The following DDR2 variants were observed in gnomAD, a reference collection of about 807,000 sequenced individuals.
DDR2 encodes the protein discoidin domain receptor tyrosine kinase 2.
A neutral mutation model predicts 94.9 loss-of-function variants in DDR2; 27 were observed. That is an observed-to-expected ratio of 0.28 (90% CI 0.21 to 0.39). The LOEUF (loss-of-function observed/expected upper bound fraction) is 0.39. DDR2 is among the 10% of genes least tolerant of loss of function. The pLI is 1.00. For missense variants in DDR2, 783 were observed against 1,076.0 expected, an observed-to-expected ratio of 0.73 and a Z score of 3.81; for synonymous variants, 382 against 377.2, an observed-to-expected ratio of 1.01 and a Z score of -0.15.
intron 3 of DDR2, among the ~76,000 whole-genome samples, chr1:162,731,920 T>C (rs1413069276): frequency 1.3e-5 from 2 of 152,220 alleles, no homozygotes; most frequent in Admixed American, 1.3e-4. Context: ...TCTTCTTCAC[T>C]CCTGATCTGC....
At chr1:162,768,869 A>C (rs535382573) in intron 11 of DDR2, among the ~76,000 whole-genome samples, 1 of 152,372 alleles carries the variant, frequency 6.6e-6, no homozygotes, top group South Asian at 2.1e-4. Context: ...AGTATGTCTC[A>C]AGGCATGAAT....
rs750959398 is a variant in DDR2 at position 162,786,492 on chromosome 1, A to G, written c.*6246A>G. On this transcript the variant is annotated 3_prime_UTR_variant, in exon 18 of 18. Transcript: ENST00000367921. ...AAAAGAAACGTGATACCAATTGTAT[A>G]TTTTCTTTTCTTTATTTATTCTCTG... The G allele has an allele frequency of 1.3e-5, 2 of 152,228 alleles. No individual in the cohort carries two copies. Among genetic ancestry groups the G allele is most frequent in the Non-Finnish European group, 2.9e-5 (2 of 68,040 alleles). The allele number at this position is 152,228 out of a possible 1,614,324, so 9.4% of individuals were successfully genotyped here. A position where few individuals can be genotyped will look rare whatever the true frequency, so the allele number is the denominator to read the frequency against.
At position 162,778,651 on chromosome 1, in the gene DDR2, A is replaced by G. The variant is rs200110142; in HGVS notation, c.2355A>G (p.Gln785=). ...TGTGGGAGACTTTCACCTTTTGTCA[A>G]GAACAGCCCTATTCCCAGCTGTCAG... The part of the protein sequence containing the change: ...VTLWETFTFC[Q]EQPYSQLSDE... The change falls in exon 17 of 18, where the codon CAA becomes CAG. Residue 785 remains glutamine, a synonymous_variant. Coordinates refer to ENST00000367921, the MANE Select transcript of DDR2 (RefSeq NM_006182.4). The G allele has an allele frequency of 6.4e-5, 104 of 1,613,882 alleles. 2 individuals carry two copies. The Middle Eastern group carries it at 1.3e-3, about 20-fold the overall frequency.
At chr1:162,726,927 C>A (rs1365404069) in intron 3 of DDR2, among the ~76,000 whole-genome samples, 1 of 151,006 alleles carries the variant, frequency 6.6e-6, no homozygotes, top group Non-Finnish European at 1.5e-5. Flanking sequence ...GGGCTTCAAG[C>A]CCATAAGATC....
chr1:162,721,566 G>A (rs1326326459), intron 3 of DDR2, among the ~76,000 whole-genome samples: 1 of 152,158 alleles, frequency 6.6e-6, no homozygotes, highest in Non-Finnish European at 1.5e-5. Flanking sequence ...GTTATAGCTT[G>A]CACACTGCTG....
chr1:162,722,821 A>G (rs886339412), intron 3 of DDR2, among the ~76,000 whole-genome samples: 11 of 152,202 alleles, frequency 7.2e-5, no homozygotes, highest in Admixed American at 1.3e-4. Context: ...CCTTTCTGCT[A>G]CAAAATTACT....
At chr1:162,768,151 G>A (rs1664095226) in intron 11 of DDR2, among the ~76,000 whole-genome samples, 1 of 152,108 alleles carries the variant, frequency 6.6e-6, no homozygotes, top group South Asian at 2.1e-4. Context: ...TTTTCCAATT[G>A]TTAATATTGA....
chr1:162,754,122 C>T (rs1663344866), intron 4 of DDR2, among the ~76,000 whole-genome samples: 1 of 152,168 alleles, frequency 6.6e-6, no homozygotes, highest in Admixed American at 6.5e-5. Context: ...TTGACATGCT[C>T]TTCCCCCTCA....
At chr1:162,686,780 A>G (rs915480347) in intron 2 of DDR2, among the ~76,000 whole-genome samples, 2 of 152,168 alleles carry the variant, frequency 1.3e-5, no homozygotes, top group Non-Finnish European at 2.9e-5. Context: ...GTTTTGCCAT[A>G]TTGGCCAGGC....
Position 162,656,833 on chromosome 1 carries a change from G to GTTTTTTTTTTTTTTTTTTTT in DDR2, c.-28+1475_-28+1476insTTTTTTTTTTTTTTTTTTTT, listed in dbSNP as rs761726921. Among the ~76,000 whole-genome samples, 74 of 65,692 alleles carry GTTTTTTTTTTTTTTTTTTTT rather than the reference G, an allele frequency of 1.1e-3. 32 individuals are homozygous for GTTTTTTTTTTTTTTTTTTTT. The highest frequency in any genetic ancestry group is 1.9e-3 in the Non-Finnish European group (62 of 33,376). The allele number at this position is 65,692 out of a possible 152,430, so 43.1% of individuals were successfully genotyped here. On this transcript the variant is annotated intron_variant, in intron 2 of 17. Transcript: ENST00000367921. ...GGTCTTTTCTTCCCCTGCCACTGGA[G>GTTTTTTTTTTTTTTTTTTTT]TTTTTTTTTTTTTTTTATTTTTTTT...
chr1:162,698,486 C>T (rs1660288562), intron 2 of DDR2, among the ~76,000 whole-genome samples: 1 of 152,184 alleles, frequency 6.6e-6, no homozygotes, highest in South Asian at 2.1e-4. Flanking sequence ...TTACTACACT[C>T]TCCCTTCTCC....
intron 2 of DDR2, among the ~76,000 whole-genome samples, chr1:162,715,271 A>G (rs572908462): frequency 7.9e-5 from 12 of 152,186 alleles, no homozygotes; most frequent in Non-Finnish European, 1.8e-4. Context: ...TTGGGGGGGA[A>G]TACAAATTAA....
At chr1:162,773,697 G>A (rs902992259) in intron 14 of DDR2, 101 bp downstream of exon 14, 36 of 1,514,064 alleles carry the variant, frequency 2.4e-5, no homozygotes, top group African/African-American at 1.6e-4. Flanking sequence ...GAGATGGGAA[G>A]GTCAGTGAGC....
In DDR2 at chr1:162,751,709, G is replaced by C. The variant is rs144728079; in HGVS notation, c.83-1386G>C. Among the ~76,000 whole-genome samples, 1,442 of 152,286 alleles carry C rather than the reference G, an allele frequency of 9.5e-3. 20 individuals carry two copies. Among genetic ancestry groups the C allele is most frequent in the African/African-American group, 0.033 (1,378 of 41,566 alleles). On this transcript the variant is annotated intron_variant, in intron 3 of 17. Transcript: ENST00000367921. ...AGACACATGCACATGTATGTTTATT[G>C]TGGCGCTATTCACAATAGCAAAGAC...
At chr1:162,687,007 G>A (rs1659719148) in intron 2 of DDR2, among the ~76,000 whole-genome samples, 1 of 152,238 alleles carries the variant, frequency 6.6e-6, no homozygotes, top group Non-Finnish European at 1.5e-5. Context: ...CCCACACAAG[G>A]TGAAGGTTTT....
At chr1:162,665,783 T>C (rs1055279497) in intron 2 of DDR2, among the ~76,000 whole-genome samples, 1 of 152,162 alleles carries the variant, frequency 6.6e-6, no homozygotes, top group African/African-American at 2.4e-5. Flanking sequence ...CCCAGATACA[T>C]AAGAGGAGAA....
chr1:162,761,713 T>G (rs550843257), intron 9 of DDR2, among the ~76,000 whole-genome samples: 266 of 152,318 alleles, frequency 1.7e-3, no homozygotes, highest in Admixed American at 3.3e-3. Context: ...GTTAAAAATT[T>G]TATATAATTT....
upstream of DDR2, among the ~76,000 whole-genome samples, chr1:162,631,181 ATT>A (rs1656540099): frequency 3.8e-5 from 3 of 78,898 alleles, no homozygotes; most frequent in African/African-American, 5.1e-5. Flanking sequence ...GGCCACCCTC[ATT>A]GTGTGTGTGT....
intron 11 of DDR2, among the ~76,000 whole-genome samples, chr1:162,768,857 C>T (rs1664126169): frequency 6.6e-6 from 1 of 152,208 alleles, no homozygotes; most frequent in African/African-American, 2.4e-5. Context: ...CTCGCTGTCA[C>T]GAGTATGTCT....
Sources: gnomAD v4.1 joint callset for allele counts (sites outside exome capture counted in the v4.1 genomes callset) on GRCh38, gnomAD v4.1.1 for gene constraint, MANE v1.5 for transcripts, NCBI Gene and HGNC (gene_info 2026-07-23, HGNC 2026-07-21) for gene names.